The following CHRM3 variants were observed in gnomAD, a reference collection of about 807,000 sequenced individuals.
The protein encoded by CHRM3 is muscarinic acetylcholine receptor M3.
CHRM3 carries 11 observed loss-of-function variants against 41.8 expected under a neutral mutation model. The ratio of observed to expected loss-of-function variants is 0.26; its 90% CI spans 0.17 to 0.44. The LOEUF is 0.44. Among genes scored for constraint, CHRM3 ranks in the 20% least tolerant of loss-of-function variants. The pLI is 1.00. For missense variants in CHRM3, 571 were observed against 745.4 expected (o/e 0.77, Z 2.72); for synonymous variants, 297 against 301.4 (o/e 0.99, Z 0.15).
intron 6 of CHRM3, among the ~76,000 whole-genome samples, chr1:239,897,377 T>G (rs1318562031): frequency 6.6e-6 from 1 of 152,224 alleles, no homozygotes; most frequent in Non-Finnish European, 1.5e-5. Context: ...AAAGGAATTT[T>G]CTTCACCAGG....
At chr1:239,698,630 A>G (rs988610352) in intron 5 of CHRM3, among the ~76,000 whole-genome samples, 1 of 152,228 alleles carries the variant, frequency 6.6e-6, no homozygotes, top group African/African-American at 2.4e-5. Context: ...CCAATCAAGC[A>G]TATACACTTT....
At chr1:239,423,743 A>G (rs924700494) in intron 1 of CHRM3, among the ~76,000 whole-genome samples, 3 of 152,138 alleles carry the variant, frequency 2.0e-5, no homozygotes, top group African/African-American at 2.4e-5. Flanking sequence ...TATTATTATC[A>G]TATTTTTTCT....
chr1:239,465,824 A>G (rs1327479201), intron 1 of CHRM3, among the ~76,000 whole-genome samples: 1 of 152,074 alleles, frequency 6.6e-6, no homozygotes, highest in Non-Finnish European at 1.5e-5. Context: ...AGTACCAAGT[A>G]TGTAAAAGTT....
intron 1 of CHRM3, among the ~76,000 whole-genome samples, chr1:239,445,522 T>C (rs1439954421): frequency 6.6e-6 from 1 of 152,176 alleles, no homozygotes; most frequent in Non-Finnish European, 1.5e-5. Flanking sequence ...GTAGCCACTG[T>C]CTAAGATGTG....
intron 5 of CHRM3, among the ~76,000 whole-genome samples, chr1:239,715,240 G>C (rs539966461): frequency 1.3e-5 from 2 of 152,022 alleles, no homozygotes; most frequent in South Asian, 2.1e-4. Flanking sequence ...CAAATGATTG[G>C]GTACACACTA....
intron 5 of CHRM3, among the ~76,000 whole-genome samples, chr1:239,800,504 T>G (rs546906660): frequency 6.6e-6 from 1 of 152,372 alleles, no homozygotes; most frequent in African/African-American, 2.4e-5. Flanking sequence ...AGTTCAATGA[T>G]TCTCAACTTA....
At chr1:239,505,807 T>G (rs1668528749) in intron 2 of CHRM3, among the ~76,000 whole-genome samples, 1 of 152,122 alleles carries the variant, frequency 6.6e-6, no homozygotes, top group Admixed American at 6.5e-5. Context: ...CCTAGAGACT[T>G]GTTGAATGGC....
At chr1:239,519,202 T>G (rs1669465070) in intron 2 of CHRM3, among the ~76,000 whole-genome samples, 10 of 152,196 alleles carry the variant, frequency 6.6e-5, no homozygotes, top group Admixed American at 6.5e-4. Context: ...TGGAGATAAT[T>G]TGAATGTAAT....
chr1:239,773,863 G>T (rs1267861970), intron 5 of CHRM3, among the ~76,000 whole-genome samples: 5 of 152,164 alleles, frequency 3.3e-5, no homozygotes, highest in African/African-American at 1.2e-4. Context: ...GAAGGAGAAT[G>T]AATCTTTGGT....
At chr1:239,607,874 T>G (rs1666526667) in intron 3 of CHRM3, among the ~76,000 whole-genome samples, 1 of 152,162 alleles carries the variant, frequency 6.6e-6, no homozygotes, top group Admixed American at 6.5e-5. Context: ...GAAAAATGTT[T>G]TATATTTTGT....
chr1:239,751,107 G>A (rs1012035015), intron 5 of CHRM3, among the ~76,000 whole-genome samples: 6 of 151,912 alleles, frequency 3.9e-5, no homozygotes, highest in South Asian at 2.1e-4. Context: ...GTGTGTTGGC[G>A]AGTGCCTGTA....
chr1:239,679,027 G>GATAGATAGATA (rs1553362061), intron 5 of CHRM3, among the ~76,000 whole-genome samples: 1 of 148,666 alleles, frequency 6.7e-6, no homozygotes, highest in African/African-American at 2.5e-5. Flanking sequence ...GTAGATAGAT[G>GATAGATAGATA]GATAGATAGA....
chr1:239,585,877 AT>A (rs1377225797), intron 3 of CHRM3, among the ~76,000 whole-genome samples: 3 of 152,228 alleles, frequency 2.0e-5, no homozygotes, highest in Non-Finnish European at 4.4e-5. Flanking sequence ...TTTCCCAAGC[AT>A]TTTGCTTCAA....
At chr1:239,523,918 A>G (rs1669821534) in intron 2 of CHRM3, among the ~76,000 whole-genome samples, 1 of 152,188 alleles carries the variant, frequency 6.6e-6, no homozygotes, top group African/African-American at 2.4e-5. Flanking sequence ...AAATTAATGA[A>G]TGGAATATTT....
intron 1 of CHRM3, among the ~76,000 whole-genome samples, chr1:239,439,832 C>T (rs562369046): frequency 6.6e-6 from 1 of 152,106 alleles, no homozygotes; most frequent in South Asian, 2.1e-4. Flanking sequence ...TTTATTAGGG[C>T]TTGGCACCAT....
chr1:239,711,672 GCT>G (rs1452549534), intron 5 of CHRM3, among the ~76,000 whole-genome samples: 1 of 147,044 alleles, frequency 6.8e-6, no homozygotes, highest in African/African-American at 2.5e-5. Flanking sequence ...CCCATTTCCC[GCT>G]CTCTCACTCT....
chr1:239,449,624 T>A (rs1037721003), intron 1 of CHRM3, among the ~76,000 whole-genome samples: 2 of 152,162 alleles, frequency 1.3e-5, no homozygotes, highest in African/African-American at 2.4e-5. Flanking sequence ...TTCTCTTGTA[T>A]TAAGTAGAAT....
intron 4 of CHRM3, among the ~76,000 whole-genome samples, chr1:239,643,209 G>T (rs1482957153): frequency 6.6e-6 from 1 of 152,176 alleles, no homozygotes; most frequent in Non-Finnish European, 1.5e-5. Context: ...CTGCTTGGGG[G>T]TCAAGGGTCA....
rs898266648 is a variant in CHRM3, at chr1:239,913,934, A to G, written c.*4710A>G. 2 of 167,052 alleles carry G rather than the reference A, an allele frequency of 1.2e-5. No homozygotes were observed. Among genetic ancestry groups the G allele is most frequent in the Non-Finnish European group, 2.9e-5 (2 of 68,128 alleles). 10.3% of individuals were successfully genotyped at this position (167,052 alleles called of 1,614,324 possible). A position where few individuals can be genotyped will look rare whatever the true frequency, so the allele number is the denominator to read the frequency against. On this transcript the variant is annotated 3_prime_UTR_variant, in exon 7 of 7. Coordinates refer to ENST00000676153, the MANE Select transcript of CHRM3 (RefSeq NM_001375978.1). ...CTGGTAGAACCACAGAGACTCACAC[A>G]AAGTTCTGACCCTACCACTCTGGTC...
Sources: allele counts gnomAD v4.1 joint callset (sites outside exome capture counted in the v4.1 genomes callset), GRCh38; gene constraint gnomAD v4.1.1; transcripts MANE v1.5; gene names NCBI Gene and HGNC (gene_info 2026-07-23, HGNC 2026-07-21).